DCAF6: variants seen among roughly 807,000 people sequenced by gnomAD.
DCAF6 encodes the protein DDB1- and CUL4-associated factor 6.
A neutral mutation model predicts 125.1 loss-of-function variants in DCAF6; 54 were observed. The observed-to-expected ratio is 0.43, with a 90% CI of 0.35 to 0.54. DCAF6 has a LOEUF of 0.54. DCAF6 is among the 20% of genes least tolerant of loss of function. The pLI is 0.01. For synonymous variants in DCAF6, 371 were observed against 390.4 expected (o/e 0.95, Z 0.58); for missense variants, 934 against 1,161.7 (o/e 0.80, Z 2.85).
the DCAF6 span, among the ~76,000 whole-genome samples, chr1:167,921,492 G>C: frequency 6.6e-6 from 1 of 152,160 alleles, no homozygotes; most frequent in African/African-American, 2.4e-5. Context: ...AAAGTGCTGG[G>C]ATTACAGGTG....
chr1:167,866,760 A>G, the DCAF6 span, among the ~76,000 whole-genome samples: 2 of 151,928 alleles, frequency 1.3e-5, no homozygotes, highest in South Asian at 4.2e-4. Context: ...TAAAAAAAAA[A>G]AAAAAAGAAT....
intron 1 of DCAF6, among the ~76,000 whole-genome samples, chr1:167,939,404 G>A (rs1223294885): frequency 6.6e-6 from 1 of 152,088 alleles, no homozygotes; most frequent in Non-Finnish European, 1.5e-5. Flanking sequence ...TGTGTGTGGC[G>A]ATAAAATGAC....
In DCAF6 at chr1:168,068,388, G is replaced by T; in HGVS notation, c.2716G>T (p.Glu906Ter). ...AACTCGAAACGAACTCATGCTGGAA[G>T]AAACTAGAAACACCATTACAGTTCC... ...VITRNELMLE[E>*]TRNTITVPAS... The change falls in exon 21 of 22, where the codon GAA becomes TAA. Residue 906 changes from glutamate (E) to a stop codon, truncating the protein, a stop_gained. Transcript: ENST00000367840. LOFTEE classifies it high-confidence loss of function. The T allele has an allele frequency of 6.2e-7, 1 of 1,603,698 alleles. No individual in the cohort carries two copies.
chr1:167,909,538 T>G, the DCAF6 span, among the ~76,000 whole-genome samples: 1 of 149,954 alleles, frequency 6.7e-6, no homozygotes, highest in Non-Finnish European at 1.5e-5. Context: ...TCTTAAAACA[T>G]TATGAGATTT....
rs369920853 is a variant in DCAF6, at chr1:167,989,610, C to T, written c.553-1594C>T. 8.8e-4 allele frequency among the ~76,000 whole-genome samples: 134 copies of T among 152,226 alleles called. 1 individual carries two copies. The South Asian group carries it at 0.023, about 26-fold the overall frequency. On this transcript the variant is annotated intron_variant, in intron 5 of 21. Transcript: ENST00000367840. ...AAAAACATTACTGAGGGGCCGGGCG[C>T]GGTGGCTCACGCCTGTAATCCCAGC...
rs1682971460 is a variant in DCAF6, at chr1:168,003,857, T to C, written c.998-13T>C. 6.2e-7 allele frequency: 1 copy of C among 1,606,896 alleles called. No homozygotes were observed. The highest frequency in any genetic ancestry group is 1.1e-5 in the South Asian group (1 of 90,368). Reference sequence around the variant, plus strand: ...TATTACTAAACTCACTGATAAGACCTATATTGTAATAGGAGAGCAGAGTCC... The same window carrying C: ...TATTACTAAACTCACTGATAAGACCCATATTGTAATAGGAGAGCAGAGTCC... On this transcript the variant is annotated splice_polypyrimidine_tract_variant and intron_variant, in intron 8 of 21. Transcript: ENST00000367840.
intron 16 of DCAF6, among the ~76,000 whole-genome samples, chr1:168,046,609 A>G (rs1689179975): frequency 6.6e-6 from 1 of 152,166 alleles, no homozygotes. Context: ...AATCTTGAGC[A>G]TTCTTAGTAT....
chr1:167,934,031 G>A (rs1670989115), upstream of DCAF6, among the ~76,000 whole-genome samples: 1 of 152,202 alleles, frequency 6.6e-6, no homozygotes, highest in African/African-American at 2.4e-5. Context: ...AGACTGAAAC[G>A]TAGGTCTATT....
the DCAF6 span, chr1:167,914,213 A>G: frequency 6.6e-6 from 1 of 152,276 alleles, no homozygotes; most frequent in South Asian, 2.1e-4. Flanking sequence ...ATTGGGTGGC[A>G]CTGCCGTCCC....
intron 12 of DCAF6, among the ~76,000 whole-genome samples, chr1:168,033,367 C>G (rs1016778873): frequency 2.8e-5 from 4 of 144,682 alleles, no homozygotes; most frequent in Non-Finnish European, 4.5e-5. Flanking sequence ...GGACTGCGGA[C>G]TGCAGTGGCG....
the DCAF6 span, among the ~76,000 whole-genome samples, chr1:167,929,005 G>A: frequency 1.3e-5 from 2 of 152,190 alleles, no homozygotes; most frequent in African/African-American, 4.8e-5. Flanking sequence ...AGTACTACTG[G>A]ATGTTGAAGA....
At chr1:168,014,526 A>G (rs1232657010) in intron 10 of DCAF6, among the ~76,000 whole-genome samples, 1 of 152,054 alleles carries the variant, frequency 6.6e-6, no homozygotes, top group Non-Finnish European at 1.5e-5. Context: ...ATATCTCTGA[A>G]TTGTAGACTT....
upstream of DCAF6, chr1:167,935,622 G>C (rs1571526830): frequency 1.2e-5 from 10 of 821,100 alleles, no homozygotes; most frequent in East Asian, 2.7e-4. Flanking sequence ...GAAGGGAAGG[G>C]ATTGGGGCTG....
chr1:168,050,984 G>T (rs1689847021), intron 17 of DCAF6, 51 bp downstream of exon 17: 1 of 1,006,878 alleles, frequency 9.9e-7, no homozygotes, highest in Admixed American at 3.0e-5. Flanking sequence ...GATTTGCCAG[G>T]TCTTCTTTTG....
At chr1:167,978,151 G>C (rs888196032) in intron 4 of DCAF6, among the ~76,000 whole-genome samples, 11 of 152,090 alleles carry the variant, frequency 7.2e-5, no homozygotes, top group African/African-American at 2.7e-4. Flanking sequence ...TGATTTATCT[G>C]TTCTATGCTG....
At chr1:168,003,662 C>T (rs1187786727) in intron 8 of DCAF6, among the ~76,000 whole-genome samples, 2 of 152,052 alleles carry the variant, frequency 1.3e-5, no homozygotes, top group African/African-American at 4.8e-5. Flanking sequence ...GAAACCTTAC[C>T]ATACACATGG....
chr1:167,986,777 C>T (rs554803779), intron 4 of DCAF6, among the ~76,000 whole-genome samples: 2 of 152,258 alleles, frequency 1.3e-5, no homozygotes, highest in African/African-American at 2.4e-5. Flanking sequence ...TAACAGGCTA[C>T]GGACCAGTAC....
the DCAF6 span, among the ~76,000 whole-genome samples, chr1:167,925,442 C>CGTGTATAT: frequency 6.3e-4 from 52 of 82,422 alleles, no homozygotes; most frequent in African/African-American, 2.5e-3. Flanking sequence ...TACATATACA[C>CGTGTATAT]ATATATATAT....
chr1:168,059,806 T>A (rs1174813468), intron 17 of DCAF6, among the ~76,000 whole-genome samples: 1 of 152,038 alleles, frequency 6.6e-6, no homozygotes, highest in African/African-American at 2.4e-5. Flanking sequence ...CCACCACTCC[T>A]GGCTTATTTT....
Sources: allele counts gnomAD v4.1 joint callset (sites outside exome capture counted in the v4.1 genomes callset), GRCh38; gene constraint gnomAD v4.1.1; transcripts MANE v1.5; gene names NCBI Gene and HGNC (gene_info 2026-07-23, HGNC 2026-07-21).